Variants in CSMD1 observed in about 807,000 individuals in gnomAD.
CSMD1 encodes CUB and Sushi multiple domains 1, also known as CUB and sushi domain-containing protein 1.
In CSMD1, 213 loss-of-function variants were observed where a neutral mutation model predicts 417.5. That is an observed-to-expected ratio of 0.51 (90% CI 0.46 to 0.57). CSMD1 has a LOEUF of 0.57. Ranked by LOEUF, CSMD1 falls within the 20% of genes least tolerant of loss-of-function variation. The pLI, the probability that CSMD1 is intolerant of heterozygous loss-of-function variation, is 0.00. For synonymous variants in CSMD1, 2,862 were observed against 1,736.8 expected (o/e 1.65, Z -16.11); for missense variants, 6,923 against 4,529.7 (o/e 1.53, Z -15.17).
intron 3 of CSMD1, among the ~76,000 whole-genome samples, chr8:4,161,789 G>T (rs757160938): frequency 6.6e-6 from 1 of 152,114 alleles, no homozygotes. Flanking sequence ...TTGTGCAAAA[G>T]AAACAAAATT....
chr8:3,905,898 T>C (rs11775224), intron 5 of CSMD1, among the ~76,000 whole-genome samples: 81,703 of 152,144 alleles, frequency 0.54, 25,710 homozygotes, highest in Non-Finnish European at 0.68. Context: ...TACTATTTAT[T>C]TGCTCCTTTG....
chr8:3,623,821 A>T (rs1424080532), intron 7 of CSMD1, among the ~76,000 whole-genome samples: 2 of 151,982 alleles, frequency 1.3e-5, no homozygotes, highest in African/African-American at 4.8e-5. Context: ...ACTAAAAATT[A>T]AAAAAATTAG....
At chr8:3,742,772 A>C (rs995722348) in intron 6 of CSMD1, among the ~76,000 whole-genome samples, 2 of 152,190 alleles carry the variant, frequency 1.3e-5, no homozygotes, top group African/African-American at 4.8e-5. Context: ...AACGAAACAA[A>C]AACACCAACA....
At chr8:3,921,332 A>G (rs1809245566) in intron 5 of CSMD1, among the ~76,000 whole-genome samples, 2 of 151,942 alleles carry the variant, frequency 1.3e-5, no homozygotes, top group South Asian at 4.1e-4. Context: ...ATTTTTGTCT[A>G]TCCTTTCATA....
intron 3 of CSMD1, among the ~76,000 whole-genome samples, chr8:4,347,583 A>C (rs1800844275): frequency 6.6e-6 from 1 of 152,188 alleles, no homozygotes; most frequent in East Asian, 1.9e-4. Flanking sequence ...AAAGTTCGCC[A>C]AAGAGAATGT....
chr8:3,494,236 TTTTG>T lies in CSMD1; in HGVS notation c.1345-514_1345-511del, dbSNP rs1214793206. 1.8e-4 allele frequency among the ~76,000 whole-genome samples: 27 copies of T among 152,008 alleles called. 2 individuals carry two copies. The East Asian group carries it at 3.7e-3, about 21-fold the overall frequency. ...TTTAGTCTTGCAAAGCCTGTAAGTT[TTTTG>T]TTTGTTTTTTTACAAAGAATACTTT... is the stretch of plus-strand genomic sequence containing the variant. On this transcript the variant is annotated intron_variant, in intron 10 of 69. Transcript: ENST00000635120.
chr8:4,925,666 C>G (rs1298499911), intron 1 of CSMD1, among the ~76,000 whole-genome samples: 4 of 151,982 alleles, frequency 2.6e-5, no homozygotes, highest in Non-Finnish European at 4.4e-5. Flanking sequence ...CCTGCCTCAG[C>G]CTCCCAAGTA....
At chr8:4,862,080 G>A (rs1336517359) in intron 1 of CSMD1, among the ~76,000 whole-genome samples, 2 of 152,060 alleles carry the variant, frequency 1.3e-5, no homozygotes, top group South Asian at 2.1e-4. Flanking sequence ...TGGGAATGGC[G>A]TCTTCTGATC....
intron 5 of CSMD1, among the ~76,000 whole-genome samples, chr8:3,925,521 C>G (rs1032378690): frequency 6.6e-6 from 1 of 152,144 alleles, no homozygotes; most frequent in Non-Finnish European, 1.5e-5. Flanking sequence ...GGTCCCCACT[C>G]AAAACTTCCA....
chr8:3,763,574 T>C (rs965326851), intron 5 of CSMD1, among the ~76,000 whole-genome samples: 2 of 152,178 alleles, frequency 1.3e-5, no homozygotes, highest in East Asian at 1.9e-4. Flanking sequence ...GCTAGCCCCG[T>C]TTGGTACAGC....
chr8:4,600,175 A>T (rs1800508046), intron 2 of CSMD1, among the ~76,000 whole-genome samples: 1 of 152,162 alleles, frequency 6.6e-6, no homozygotes, highest in South Asian at 2.1e-4. Context: ...GTCGCAGAAC[A>T]GGAGTGCAAA....
intron 54 of CSMD1, among the ~76,000 whole-genome samples, chr8:2,987,541 T>C (rs1357855667): frequency 6.6e-6 from 1 of 152,038 alleles, no homozygotes; most frequent in African/African-American, 2.4e-5. Flanking sequence ...ACTACTATTT[T>C]GAAAGATGAT....
intron 18 of CSMD1, among the ~76,000 whole-genome samples, chr8:3,377,605 C>T (rs890792535): frequency 6.6e-6 from 1 of 152,114 alleles, no homozygotes. Context: ...TCCTATTGAT[C>T]CTTCACTCAG....
chr8:3,250,634 A>G (rs1373022324), intron 26 of CSMD1, among the ~76,000 whole-genome samples: 1 of 152,194 alleles, frequency 6.6e-6, no homozygotes, highest in Non-Finnish European at 1.5e-5. Context: ...GAATCGCCAC[A>G]CTGTCTTCCA....
intron 33 of CSMD1, among the ~76,000 whole-genome samples, chr8:3,197,560 G>A (rs999591143): frequency 1.3e-5 from 2 of 150,846 alleles, no homozygotes; most frequent in African/African-American, 4.9e-5. Context: ...CCGCCTCCCG[G>A]GTTCACGCCA....
At chr8:3,036,265 G>C (rs141317824) in intron 50 of CSMD1, among the ~76,000 whole-genome samples, 9 of 152,314 alleles carry the variant, frequency 5.9e-5, no homozygotes, top group Non-Finnish European at 8.8e-5. Context: ...CAAGGGAAGT[G>C]AGATTACCAT....
At chr8:4,977,187 T>C (rs1810609806) in intron 1 of CSMD1, among the ~76,000 whole-genome samples, 1 of 152,206 alleles carries the variant, frequency 6.6e-6, no homozygotes, top group South Asian at 2.1e-4. Context: ...CTATTTTCTG[T>C]TTATATTAAT....
Position 3,107,752 on chromosome 8 carries a change from T to C in CSMD1, c.6801A>G (p.Ala2267=), listed in dbSNP as rs542518466. 40 of 1,595,438 alleles carry C rather than the reference T, an allele frequency of 2.5e-5. 1 individual carries two copies. In the South Asian group the frequency reaches 3.4e-4, roughly 14 times the overall value. Residue 2267 remains alanine (A), a synonymous_variant, in exon 45 of 70, where the codon GCA becomes GCG. Transcript: ENST00000635120. ...AATCATCATCCTCAGTAAGCATTTC[T>C]GCCTGTGGAACCGCTGGGGGAGGTT... ...KCQPPPAVPQ[A]EMLTEDDDFE...
At chr8:3,425,800 G>C (rs1339087272) in intron 12 of CSMD1, among the ~76,000 whole-genome samples, 1 of 151,972 alleles carries the variant, frequency 6.6e-6, no homozygotes, top group Non-Finnish European at 1.5e-5. Flanking sequence ...GTAAATTTCA[G>C]CACCTTGATT....
Sources: gnomAD v4.1 joint callset for allele counts (sites outside exome capture counted in the v4.1 genomes callset) on GRCh38, gnomAD v4.1.1 for gene constraint, MANE v1.5 for transcripts, NCBI Gene and HGNC (gene_info 2026-07-23, HGNC 2026-07-21) for gene names.